CNKSR2: variants seen among roughly 807,000 people sequenced by gnomAD.
The protein encoded by CNKSR2 is CNK homolog protein 2.
In CNKSR2, 14 loss-of-function variants were observed where a neutral mutation model predicts 84.4. The ratio of observed to expected loss-of-function variants is 0.17; its 90% confidence interval spans 0.11 to 0.26. The LOEUF (loss-of-function observed/expected upper bound fraction) is 0.26, where lower values mean the gene tolerates loss of function less well. CNKSR2 is among the 10% of genes least tolerant of loss of function. The pLI is 1.00. For synonymous variants in CNKSR2, 275 were observed against 277.9 expected (o/e 0.99, Z 0.10); for missense variants, 485 against 771.2 (o/e 0.63, Z 4.40).
rs1157547609 is a variant in CNKSR2, at chrX:21,648,852, T to TAGG, written c.2717_2719dup (p.Gly906dup). The stretch of plus-strand genomic sequence containing the variant: ...GCAGGTGAAAGCAGAGAAGAAAAGT[T>TAGG]AGGAGACTCATTGCAAGATTTATAC... On this transcript the variant is annotated inframe_insertion, in exon 21 of 22. Transcript: ENST00000379510. The TAGG allele has an allele frequency of 8.7e-7, 1 of 1,152,786 alleles. No homozygotes were observed. Among genetic ancestry groups the TAGG allele is most frequent in the South Asian group, 2.0e-5 (1 of 49,685 alleles).
intron 1 of CNKSR2, chrX:21,424,670 C>A (rs1343615570): frequency 2.7e-5 from 3 of 112,049 alleles, no homozygotes; most frequent in Non-Finnish European, 5.6e-5. Flanking sequence ...ATACCTAATA[C>A]AAGTACTGCA....
chrX:21,575,211 A>G (rs1435895713), intron 13 of CNKSR2, among the ~76,000 whole-genome samples: 2 of 111,915 alleles, frequency 1.8e-5, no homozygotes, highest in Admixed American at 1.9e-4. Flanking sequence ...ACTTGGTTAT[A>G]AATATAAAAC....
At chrX:21,548,808 C>T (rs1041028357) in intron 11 of CNKSR2, among the ~76,000 whole-genome samples, 5 of 112,098 alleles carry the variant, frequency 4.5e-5, no homozygotes, top group African/African-American at 1.6e-4. Flanking sequence ...GAAACAGAAC[C>T]AATGACAAAA....
chrX:21,598,642 C>T lies in CNKSR2; in HGVS notation c.1977-2640C>T, dbSNP rs186681569. On this transcript the variant is annotated intron_variant, in intron 17 of 21. Coordinates refer to ENST00000379510, the MANE Select transcript of CNKSR2 (RefSeq NM_014927.5). ...TGACCATCTTACCTAAAATAGCCTTCCCTCATCCGCAGCATCTTTGGCATT... is the reference window on the plus strand; with the variant it reads ...TGACCATCTTACCTAAAATAGCCTTTCCTCATCCGCAGCATCTTTGGCATT... 2.2e-3 allele frequency among the ~76,000 whole-genome samples: 251 copies of T among 112,192 alleles called. 1 individual carries two copies. The highest frequency in any genetic ancestry group is 7.7e-3 in the African/African-American group (239 of 30,968).
At chrX:21,579,196 C>T (rs963621505) in intron 13 of CNKSR2, among the ~76,000 whole-genome samples, 9 of 112,047 alleles carry the variant, frequency 8.0e-5, no homozygotes, top group African/African-American at 2.6e-4. Flanking sequence ...CACAAATTTA[C>T]GTAGTGGCCA....
chrX:21,495,118 AG>A (rs2091479986), intron 6 of CNKSR2: 1 of 112,152 alleles, frequency 8.9e-6, no homozygotes, highest in Non-Finnish European at 1.9e-5. Flanking sequence ...TATTCTAATA[AG>A]AAAAGTTAAG....
chrX:21,561,042 TG>T (rs774390666), intron 11 of CNKSR2, among the ~76,000 whole-genome samples: 1 of 109,867 alleles, frequency 9.1e-6, no homozygotes, highest in East Asian at 2.9e-4. Context: ...CTTGAAACAG[TG>T]GGTTAATGTC....
intron 17 of CNKSR2, among the ~76,000 whole-genome samples, chrX:21,598,405 G>T (rs1273951080): frequency 9.0e-6 from 1 of 110,850 alleles, no homozygotes; most frequent in Non-Finnish European, 1.9e-5. Context: ...TTCTCTCATG[G>T]TTCTTTCTCT....
At position 21,602,219 on chromosome X, in the gene CNKSR2, A is replaced by G. The variant is rs186762867; in HGVS notation, c.2044+870A>G. Among the ~76,000 whole-genome samples the G allele has an allele frequency of 2.7e-3, 298 of 111,157 alleles. 1 individual carries two copies. In the Middle Eastern group the frequency reaches 0.028, roughly 10 times the overall value. ...GGTGGCGTGATCTTGATCTTGACTC[A>G]CTGCAGCCTCGACCTCCCAGGTTCA... On this transcript the variant is annotated intron_variant, in intron 18 of 21. Transcript: ENST00000379510.
intron 3 of CNKSR2, among the ~76,000 whole-genome samples, chrX:21,438,603 T>G (rs1172045116): frequency 9.0e-6 from 1 of 110,955 alleles, no homozygotes; most frequent in Non-Finnish European, 1.9e-5. Context: ...AGAAAAAATA[T>G]AGGCAAAAAT....
Position 21,649,791 on chromosome X carries a change from G to A in CNKSR2, c.2889+764G>A, listed in dbSNP as rs984441567. 1.1e-4 allele frequency among the ~76,000 whole-genome samples: 12 copies of A among 111,812 alleles called. No homozygotes were observed. The East Asian group carries it at 3.4e-3, about 31-fold the overall frequency. On this transcript the variant is annotated intron_variant, in intron 21 of 21. Coordinates refer to ENST00000379510, the MANE Select transcript of CNKSR2 (RefSeq NM_014927.5). ...CCTGTGCCCTTATAAAACAAAAACAGAAGACATTTATGCAGCCAACAAACA... is the reference window on the plus strand; with the variant it reads ...CCTGTGCCCTTATAAAACAAAAACAAAAGACATTTATGCAGCCAACAAACA...
intron 4 of CNKSR2, among the ~76,000 whole-genome samples, chrX:21,444,762 TA>T (rs142552074): frequency 0.047 from 4,682 of 99,039 alleles, 76 homozygotes; most frequent in Non-Finnish European, 0.051. Context: ...AAATGTGATT[TA>T]AAAAAAAAAA....
In CNKSR2 at chrX:21,576,009, C is replaced by T. The variant is rs149075838; in HGVS notation, c.1608+12557C>T. Among the ~76,000 whole-genome samples the T allele has an allele frequency of 7.3e-3, 813 of 111,833 alleles. 4 individuals are homozygous for T. The highest frequency in any genetic ancestry group is 0.013 in the South Asian group (35 of 2,656). ...CAATTAAGGTTGGGGTCTTCAACAT[C>T]CATCTCTCAATAATTCATAGACCCA... On this transcript the variant is annotated intron_variant, in intron 13 of 21. Coordinates refer to ENST00000379510, the MANE Select transcript of CNKSR2 (RefSeq NM_014927.5).
At chrX:21,506,633 TATG>T (rs1251677221) in intron 8 of CNKSR2, 1 of 111,799 alleles carries the variant, frequency 8.9e-6, no homozygotes, top group African/African-American at 3.2e-5. Flanking sequence ...AGATAAATTG[TATG>T]ATATCTCAAT....
intron 13 of CNKSR2, among the ~76,000 whole-genome samples, chrX:21,577,629 T>C (rs1023015647): frequency 9.1e-6 from 1 of 110,491 alleles, no homozygotes; most frequent in African/African-American, 3.3e-5. Flanking sequence ...ATTGGCTTTT[T>C]TTTTGCTCCC....
At chrX:21,538,861 A>C (rs1462703880) in intron 11 of CNKSR2, 1 of 112,214 alleles carries the variant, frequency 8.9e-6, no homozygotes, top group African/African-American at 3.2e-5. Flanking sequence ...AAGCCGAAAG[A>C]CTCAGCAAGC....
At chrX:21,421,296 T>G in intron 1 of CNKSR2, among the ~76,000 whole-genome samples, 1 of 110,026 alleles carries the variant, frequency 9.1e-6, no homozygotes, top group East Asian at 2.9e-4. Context: ...GGTTTTTTTT[T>G]TTTTTTTTTT....
chrX:21,415,369 A>G (rs779611318), intron 1 of CNKSR2, among the ~76,000 whole-genome samples: 1 of 110,649 alleles, frequency 9.0e-6, no homozygotes, highest in Non-Finnish European at 1.9e-5. Context: ...GTTGGCATGT[A>G]GAAATGCTAC....
chrX:21,647,361 T>A (rs2092709123), intron 20 of CNKSR2, among the ~76,000 whole-genome samples: 1 of 112,040 alleles, frequency 8.9e-6, no homozygotes, highest in South Asian at 3.7e-4. Context: ...AAAAATGACC[T>A]TTTTAGGTTA....
Sources: allele counts gnomAD v4.1 joint callset (sites outside exome capture counted in the v4.1 genomes callset), GRCh38; gene constraint gnomAD v4.1.1; transcripts MANE v1.5; gene names NCBI Gene and HGNC (gene_info 2026-07-23, HGNC 2026-07-21).